ELMO1: variants seen among roughly 807,000 people sequenced by gnomAD.
ELMO1 encodes engulfment and cell motility 1, also known as engulfment and cell motility protein 1.
ELMO1 carries 26 observed loss-of-function variants against 98.9 expected under a neutral mutation model. That is an observed-to-expected ratio of 0.26 (90% confidence interval 0.19 to 0.36). ELMO1 has a LOEUF of 0.36. Ranked by LOEUF, ELMO1 falls within the 10% of genes least tolerant of loss-of-function variation. The probability of loss-of-function intolerance (pLI) is 1.00; values close to 1 mark genes in which losing one functional copy is unlikely to be tolerated. For missense variants in ELMO1, 627 were observed against 935.2 expected (o/e 0.67, Z 4.30); for synonymous variants, 346 against 346.0 (o/e 1.00, Z 0.00).
intron 14 of ELMO1, among the ~76,000 whole-genome samples, chr7:37,116,349 T>C (rs1203270303): frequency 6.6e-6 from 1 of 152,162 alleles, no homozygotes; most frequent in Non-Finnish European, 1.5e-5. Context: ...GGTACTGTAC[T>C]CAATAAATAT....
chr7:36,897,502 AAT>A (rs1239276151), intron 16 of ELMO1, among the ~76,000 whole-genome samples: 1 of 152,134 alleles, frequency 6.6e-6, no homozygotes, highest in Non-Finnish European at 1.5e-5. Context: ...AATCCCAACA[AAT>A]ACATATGGTG....
intron 16 of ELMO1, among the ~76,000 whole-genome samples, chr7:36,910,370 C>T (rs1784257997): frequency 6.6e-6 from 1 of 152,216 alleles, no homozygotes; most frequent in Non-Finnish European, 1.5e-5. Context: ...GGAAAGACCA[C>T]TTCCATTTCA....
At position 37,116,380 on chromosome 7, in the gene ELMO1, T is replaced by C. The variant is rs146958647; in HGVS notation, c.1191+16750A>G. Among the ~76,000 whole-genome samples the C allele has an allele frequency of 1.8e-3, 268 of 152,142 alleles. 2 individuals are homozygous for C. Among genetic ancestry groups the C allele is most frequent in the African/African-American group, 6.2e-3 (257 of 41,502 alleles). ...AATATTTAACTAGCTAAACAAGACA[T>C]AAAAATGGACAATATGGGCTGAATT... On this transcript the variant is annotated intron_variant, in intron 14 of 21. Transcript: ENST00000310758.
In ELMO1 at chr7:37,028,301, A is replaced by G. The variant is rs529394280; in HGVS notation, c.1301-14866T>C. Among the ~76,000 whole-genome samples the G allele has an allele frequency of 4.6e-5, 7 of 152,290 alleles. No homozygotes were observed. In the South Asian group the frequency reaches 1.4e-3, roughly 32 times the overall value. Reference sequence around the variant, plus strand: ...AAGGCAGAAAGTTAATACTTTCTAGAAAGCTTATTTGCCGTGATTTTTAAA... The same window carrying G: ...AAGGCAGAAAGTTAATACTTTCTAGGAAGCTTATTTGCCGTGATTTTTAAA... On this transcript the variant is annotated intron_variant, in intron 15 of 21. Coordinates refer to ENST00000310758, the MANE Select transcript of ELMO1 (RefSeq NM_014800.11).
chr7:36,915,049 G>A lies in ELMO1; in HGVS notation c.1438-20032C>T, dbSNP rs115656244. ...GCTGACTGCAGCCTTGAATTCCTGGGTTGAAGCAATCCAGGTGTGCACCAC... is the reference window on the plus strand; with the variant it reads ...GCTGACTGCAGCCTTGAATTCCTGGATTGAAGCAATCCAGGTGTGCACCAC... On this transcript the variant is annotated intron_variant, in intron 16 of 21. Transcript: ENST00000310758. Among the ~76,000 whole-genome samples, 668 of 152,206 alleles carry A rather than the reference G, an allele frequency of 4.4e-3. 8 individuals carry two copies. The highest frequency in any genetic ancestry group is 0.016 in the African/African-American group (654 of 41,532).
At chr7:36,971,472 G>A (rs867107507) in intron 16 of ELMO1, among the ~76,000 whole-genome samples, 13 of 152,350 alleles carry the variant, frequency 8.5e-5, no homozygotes, top group Non-Finnish European at 1.3e-4. Context: ...AACAGGAGGA[G>A]TCAAGGGAGG....
intron 10 of ELMO1, among the ~76,000 whole-genome samples, chr7:37,220,599 C>T (rs1793537069): frequency 6.6e-6 from 1 of 152,124 alleles, no homozygotes; most frequent in South Asian, 2.1e-4. Context: ...ATTATATTAC[C>T]ATTATTATCA....
chr7:36,932,943 G>A (rs919476420), intron 16 of ELMO1, among the ~76,000 whole-genome samples: 1 of 152,220 alleles, frequency 6.6e-6, no homozygotes, highest in African/African-American at 2.4e-5. Context: ...CAGAGACAGT[G>A]GGCGGATGCC....
At chr7:37,027,897 G>C (rs919201537) in intron 15 of ELMO1, among the ~76,000 whole-genome samples, 4 of 152,136 alleles carry the variant, frequency 2.6e-5, no homozygotes, top group African/African-American at 9.7e-5. Flanking sequence ...ACCAGTAACA[G>C]CTGGCTGGAA....
intron 5 of ELMO1, among the ~76,000 whole-genome samples, chr7:37,264,643 G>A (rs1326318832): frequency 6.6e-6 from 1 of 152,108 alleles, no homozygotes; most frequent in East Asian, 1.9e-4. Flanking sequence ...TTCTGGTATT[G>A]CTCTAAGGAT....
chr7:37,192,254 T>C lies in ELMO1; in HGVS notation c.1086+19132A>G, dbSNP rs1268618393. Among the ~76,000 whole-genome samples, 8 of 152,172 alleles carry C rather than the reference T, an allele frequency of 5.3e-5. No individual in the cohort carries two copies. In the East Asian group the frequency reaches 1.5e-3, roughly 29 times the overall value. On this transcript the variant is annotated intron_variant, in intron 13 of 21. Transcript: ENST00000310758. ...GCTCATGGCTGTAATCCCAGCACTT[T>C]GGGAGGCCAAGGCAGGTGGATCATG...
chr7:36,874,225 T>C (rs892434656), intron 19 of ELMO1, among the ~76,000 whole-genome samples: 1 of 152,268 alleles, frequency 6.6e-6, no homozygotes, highest in Non-Finnish European at 1.5e-5. Flanking sequence ...AGTTAAATCC[T>C]GATGCTGGAG....
intron 16 of ELMO1, among the ~76,000 whole-genome samples, chr7:36,928,104 T>A (rs1318911772): frequency 6.6e-6 from 1 of 152,174 alleles, no homozygotes; most frequent in Non-Finnish European, 1.5e-5. Context: ...TCAAAAGTTT[T>A]ATTTATTTAT....
intron 14 of ELMO1, among the ~76,000 whole-genome samples, chr7:37,126,263 T>C (rs1786507308): frequency 6.7e-6 from 1 of 148,604 alleles, no homozygotes; most frequent in Admixed American, 6.8e-5. Context: ...AACCTGCATG[T>C]TGTGCACATG....
chr7:37,090,179 C>A (rs949461056), intron 15 of ELMO1, among the ~76,000 whole-genome samples: 2 of 151,718 alleles, frequency 1.3e-5, no homozygotes, highest in Non-Finnish European at 2.9e-5. Context: ...TGCTAACCAG[C>A]TCTAGGATCT....
chr7:37,410,816 G>C (rs1227081666), intron 1 of ELMO1, among the ~76,000 whole-genome samples: 1 of 152,192 alleles, frequency 6.6e-6, no homozygotes, highest in African/African-American at 2.4e-5. Context: ...ACTGCAAAGG[G>C]AAGAAGACAT....
At chr7:37,437,386 AG>A (rs1459795137) in intron 1 of ELMO1, among the ~76,000 whole-genome samples, 1 of 152,244 alleles carries the variant, frequency 6.6e-6, no homozygotes, top group Non-Finnish European at 1.5e-5. Context: ...CTTTCATTTG[AG>A]GACCCTAAAT....
At position 37,342,720 on chromosome 7, in the gene ELMO1, G is replaced by A. The variant is rs371951449; in HGVS notation, c.-30C>T. On this transcript the variant is annotated 5_prime_UTR_variant, in exon 2 of 22. Coordinates refer to ENST00000310758, the MANE Select transcript of ELMO1 (RefSeq NM_014800.11). This position sits in a 1 kb window ranked among gnomAD's most constrained non-coding sequence, Gnocchi z 4.3. ...AGTCCCCAAAATGTTCAAAGCCAGTGGGAATGAGGATCCTACAGCGTAAAC... is the reference window on the plus strand; with the variant it reads ...AGTCCCCAAAATGTTCAAAGCCAGTAGGAATGAGGATCCTACAGCGTAAAC... 11 of 1,592,520 alleles carry A rather than the reference G, an allele frequency of 6.9e-6. No homozygotes were observed. The African/African-American group carries it at 1.5e-4, about 22-fold the overall frequency.
At chr7:37,286,044 G>GA (rs56126018) in intron 4 of ELMO1, among the ~76,000 whole-genome samples, 75,551 of 146,976 alleles carry the variant, frequency 0.51, 19,150 homozygotes, top group East Asian at 0.69. Flanking sequence ...CTTGTAAAAA[G>GA]AAAAAAAAAA....
Sources: allele counts gnomAD v4.1 joint callset (sites outside exome capture counted in the v4.1 genomes callset), GRCh38; gene constraint gnomAD v4.1.1; non-coding constraint Gnocchi (gnomAD v3.1); transcripts MANE v1.5; gene names NCBI Gene and HGNC (gene_info 2026-07-23, HGNC 2026-07-21).